The following MOSMO variants were observed in gnomAD, a reference collection of about 807,000 sequenced individuals.
MOSMO encodes the protein modulator of smoothened.
MOSMO carries 5 observed loss-of-function variants against 18.4 expected under a neutral mutation model. That is an observed-to-expected ratio of 0.27 (90% CI 0.14 to 0.57). The LOEUF is 0.57. Ranked by LOEUF, MOSMO falls within the 20% of genes least tolerant of loss-of-function variation. The pLI, the probability that MOSMO is intolerant of heterozygous loss-of-function variation, is 0.92. For synonymous variants in MOSMO, 82 were observed against 82.3 expected, an observed-to-expected ratio of 1.00 and a Z score of 0.02; for missense variants, 138 against 211.8, an observed-to-expected ratio of 0.65 and a Z score of 2.16.
At chr16:22,047,933 T>C (rs1179724992) in intron 1 of MOSMO, among the ~76,000 whole-genome samples, 1 of 152,150 alleles carries the variant, frequency 6.6e-6, no homozygotes, top group Non-Finnish European at 1.5e-5. Flanking sequence ...GTACTACCAG[T>C]TGGTTAGAAA....
chr16:22,076,386 G>A (rs1481271204), intron 2 of MOSMO: 1 of 152,130 alleles, frequency 6.6e-6, no homozygotes, highest in Non-Finnish European at 1.5e-5. Context: ...GCACCCCAGG[G>A]GTTATTTAAC....
intron 1 of MOSMO, among the ~76,000 whole-genome samples, chr16:22,018,366 T>A (rs918364049): frequency 2.6e-5 from 4 of 152,134 alleles, no homozygotes; most frequent in Admixed American, 2.6e-4. Context: ...AGAAGTTCTT[T>A]TCAAAAATAG....
chr16:22,089,391 T>A (rs1415912595), downstream of MOSMO, among the ~76,000 whole-genome samples: 1 of 152,162 alleles, frequency 6.6e-6, no homozygotes, highest in Non-Finnish European at 1.5e-5. Context: ...TAGTGCCGAC[T>A]TCCTTGATGG....
chr16:22,062,370 T>G (rs1220822983), intron 1 of MOSMO, among the ~76,000 whole-genome samples: 3 of 152,192 alleles, frequency 2.0e-5, no homozygotes, highest in Non-Finnish European at 4.4e-5. Context: ...TCACCCAGGA[T>G]GGAGTACAGT....
intron 1 of MOSMO, among the ~76,000 whole-genome samples, chr16:22,044,337 A>T (rs1329417117): frequency 6.6e-6 from 1 of 152,206 alleles, no homozygotes; most frequent in Non-Finnish European, 1.5e-5. Flanking sequence ...CAACATTAAT[A>T]ATAACTAATT....
chr16:22,032,193 T>C (rs1156518171), intron 1 of MOSMO, among the ~76,000 whole-genome samples: 2 of 150,090 alleles, frequency 1.3e-5, no homozygotes, highest in African/African-American at 4.9e-5. Flanking sequence ...CTTTTCTTTT[T>C]TTTTTTTTTT....
chr16:22,089,005 A>G (rs1901241319), downstream of MOSMO, among the ~76,000 whole-genome samples: 1 of 151,626 alleles, frequency 6.6e-6, no homozygotes, highest in Non-Finnish European at 1.5e-5. Context: ...GTTGAGAGAA[A>G]AAAAAAAAAA....
Position 22,013,797 on chromosome 16 carries a change from C to T in MOSMO, c.106+5390C>T, listed in dbSNP as rs143970413. ...ATATTCATGTTATAGTTTGTCATAA[C>T]GAAGTTAAGGTTAGTGTATTCATTT... On this transcript the variant is annotated intron_variant, in intron 1 of 2. Coordinates refer to ENST00000542527, the MANE Select transcript of MOSMO (RefSeq NM_001164579.2). Among the ~76,000 whole-genome samples the T allele has an allele frequency of 5.1e-3, 766 of 150,070 alleles. 7 individuals carry two copies. Among genetic ancestry groups the T allele is most frequent in the African/African-American group, 0.017 (693 of 40,564 alleles).
chr16:22,012,471 A>G (rs1413823383), intron 1 of MOSMO, among the ~76,000 whole-genome samples: 1 of 152,198 alleles, frequency 6.6e-6, no homozygotes, highest in Non-Finnish European at 1.5e-5. Flanking sequence ...ATATTGTTAT[A>G]TTGCTGTTCT....
At chr16:22,084,667 T>A (rs534793615), downstream of MOSMO, 7 of 152,356 alleles carry the variant, frequency 4.6e-5, no homozygotes, top group Admixed American at 1.3e-4. Context: ...CTTCTATTAC[T>A]TTGAAATAAG....
In MOSMO at chr16:22,008,517, G is replaced by A. The variant is rs1899440729; in HGVS notation, c.106+110G>A. 5 of 652,188 alleles carry A rather than the reference G, an allele frequency of 7.7e-6. No individual in the cohort carries two copies. In the South Asian group the frequency reaches 1.1e-4, roughly 14 times the overall value. The allele number at this position is 652,188 out of a possible 1,614,324, so 40.4% of individuals were successfully genotyped here. Reference sequence around the variant, plus strand: ...GGTGGAGGGTCCCGGCCGGAGGCTAGCCTGAGGAGACCGGGGGCGGAGGGG... The same window carrying A: ...GGTGGAGGGTCCCGGCCGGAGGCTAACCTGAGGAGACCGGGGGCGGAGGGG... On this transcript the variant is annotated intron_variant, in intron 1 of 2. Coordinates refer to ENST00000542527, the MANE Select transcript of MOSMO (RefSeq NM_001164579.2).
chr16:22,082,152 A>G lies in MOSMO; in HGVS notation c.*1272A>G, dbSNP rs1193822010. The G allele has an allele frequency of 6.6e-6, 1 of 152,154 alleles. No individual in the cohort carries two copies. The highest frequency in any genetic ancestry group is 1.5e-5 in the Non-Finnish European group (1 of 68,022). 9.4% of individuals were successfully genotyped at this position (152,154 alleles called of 1,614,324 possible). ...TTACAACACTAATTTCATTATTTTT[A>G]TCTGTAAGCATTATTAATACATCTT... On this transcript the variant is annotated 3_prime_UTR_variant, in exon 3 of 3. Coordinates refer to ENST00000542527, the MANE Select transcript of MOSMO (RefSeq NM_001164579.2).
intron 1 of MOSMO, among the ~76,000 whole-genome samples, chr16:22,048,572 G>A (rs1178770476): frequency 6.6e-6 from 1 of 151,998 alleles, no homozygotes; most frequent in East Asian, 1.9e-4. Flanking sequence ...CATGTTACTG[G>A]CCACATATTT....
At chr16:22,087,195 G>T (rs982505860), downstream of MOSMO, 1 of 152,132 alleles carries the variant, frequency 6.6e-6, no homozygotes, top group Non-Finnish European at 1.5e-5. Context: ...AAGCTTGTGG[G>T]TTCTCTGCTG....
At chr16:22,015,733 T>C (rs775807660) in intron 1 of MOSMO, among the ~76,000 whole-genome samples, 5 of 152,174 alleles carry the variant, frequency 3.3e-5, no homozygotes, top group Admixed American at 6.5e-5. Flanking sequence ...AAAGCATTAA[T>C]ATTTCCTTTA....
At chr16:22,066,252 G>T (rs1900745102) in intron 1 of MOSMO, among the ~76,000 whole-genome samples, 1 of 78,612 alleles carries the variant, frequency 1.3e-5, no homozygotes, top group African/African-American at 5.4e-5. Context: ...TTCAGAGTTT[G>T]CTCTGTTCTA....
At chr16:22,035,561 A>C (rs1419122139) in intron 1 of MOSMO, among the ~76,000 whole-genome samples, 1 of 152,114 alleles carries the variant, frequency 6.6e-6, no homozygotes, top group Admixed American at 6.5e-5. Flanking sequence ...CTTACAGGTT[A>C]GATTTTCCTA....
intron 1 of MOSMO, among the ~76,000 whole-genome samples, chr16:22,053,258 C>T (rs1371714646): frequency 6.6e-6 from 1 of 151,890 alleles, no homozygotes; most frequent in Admixed American, 6.6e-5. Flanking sequence ...CCACCGCACA[C>T]CCAGCCTATT....
intron 1 of MOSMO, among the ~76,000 whole-genome samples, chr16:22,062,267 A>AAATT (rs147876640): frequency 0.35 from 53,265 of 151,722 alleles, 10,907 homozygotes; most frequent in East Asian, 0.7. Context: ...AATATATAAA[A>AAATT]AAGAGAAAGA....
Sources: allele counts gnomAD v4.1 joint callset (sites outside exome capture counted in the v4.1 genomes callset), GRCh38; gene constraint gnomAD v4.1.1; transcripts MANE v1.5; gene names NCBI Gene and HGNC (gene_info 2026-07-23, HGNC 2026-07-21).